Variants in CADPS observed in about 807,000 individuals in gnomAD.
CADPS encodes calcium dependent secretion activator, also known as calcium-dependent secretion activator 1.
CADPS carries 57 observed loss-of-function variants against 167.3 expected under a neutral mutation model. The ratio of observed to expected loss-of-function variants is 0.34; its 90% CI spans 0.28 to 0.42. The LOEUF is 0.42. Ranked by LOEUF, CADPS falls within the 20% of genes least tolerant of loss-of-function variation. CADPS has a pLI of 1.00. For synonymous variants in CADPS, 676 were observed against 635.3 expected (o/e 1.06, Z -0.96); for missense variants, 1,414 against 1,738.1 (o/e 0.81, Z 3.32).
intron 18 of CADPS, among the ~76,000 whole-genome samples, chr3:62,497,307 A>G (rs1184527337): frequency 6.6e-6 from 1 of 152,222 alleles, no homozygotes; most frequent in African/African-American, 2.4e-5. Context: ...TAAAAGCACA[A>G]TTGTGACTGA....
intron 9 of CADPS, among the ~76,000 whole-genome samples, chr3:62,568,091 C>T (rs888688170): frequency 6.6e-6 from 1 of 152,158 alleles, no homozygotes; most frequent in African/African-American, 2.4e-5. Flanking sequence ...ACCAATTCTC[C>T]CTTTATGAAA....
At chr3:62,524,553 C>G (rs1447448265) in intron 13 of CADPS, among the ~76,000 whole-genome samples, 1 of 152,184 alleles carries the variant, frequency 6.6e-6, no homozygotes, top group Non-Finnish European at 1.5e-5. Flanking sequence ...AATCTCCAAA[C>G]AAGGCTTGGA....
At chr3:62,719,199 C>CT (rs1407653015) in intron 3 of CADPS, among the ~76,000 whole-genome samples, 1 of 152,184 alleles carries the variant, frequency 6.6e-6, no homozygotes, top group Non-Finnish European at 1.5e-5. Flanking sequence ...CTGGCACTGT[C>CT]TTTTATCATA....
At chr3:62,473,267 A>G (rs933060432) in intron 24 of CADPS, among the ~76,000 whole-genome samples, 25 of 152,184 alleles carry the variant, frequency 1.6e-4, no homozygotes, top group Admixed American at 1.0e-3. Context: ...TAGGGGAAAC[A>G]AGGTTGAAGA....
At chr3:62,663,723 T>A (rs1316677897) in intron 3 of CADPS, among the ~76,000 whole-genome samples, 1 of 152,156 alleles carries the variant, frequency 6.6e-6, no homozygotes, top group Non-Finnish European at 1.5e-5. Context: ...GTCATACTTT[T>A]GAAGCATCAC....
intron 4 of CADPS, among the ~76,000 whole-genome samples, chr3:62,653,320 C>T (rs896559539): frequency 2.6e-5 from 4 of 152,042 alleles, no homozygotes; most frequent in Admixed American, 2.6e-4. Flanking sequence ...CTCATTTGTT[C>T]CTGCCAGCAT....
chr3:62,624,165 T>G (rs550105109), intron 6 of CADPS, among the ~76,000 whole-genome samples: 1 of 152,304 alleles, frequency 6.6e-6, no homozygotes, highest in South Asian at 2.1e-4. Context: ...CTGAGAAACC[T>G]TGGCCAAATC....
At chr3:62,422,494 T>C (rs999404824) in intron 28 of CADPS, among the ~76,000 whole-genome samples, 1 of 152,126 alleles carries the variant, frequency 6.6e-6, no homozygotes, top group African/African-American at 2.4e-5. Flanking sequence ...TCCTTTCTCT[T>C]TCTTTTCTTT....
At chr3:62,508,187 G>A (rs1276230908) in intron 17 of CADPS, among the ~76,000 whole-genome samples, 1 of 152,154 alleles carries the variant, frequency 6.6e-6, no homozygotes, top group Non-Finnish European at 1.5e-5. Context: ...GGATAGGGCC[G>A]TTATATCTTG....
chr3:62,757,799 CTCACAA>C (rs1206300251), intron 2 of CADPS, among the ~76,000 whole-genome samples: 4 of 152,182 alleles, frequency 2.6e-5, no homozygotes, highest in Non-Finnish European at 5.9e-5. Flanking sequence ...CTGGGGAGGC[CTCACAA>C]TCATGGTGGA....
intron 10 of CADPS, among the ~76,000 whole-genome samples, chr3:62,556,280 A>T (rs1398035060): frequency 1.3e-5 from 2 of 152,206 alleles, no homozygotes; most frequent in African/African-American, 4.8e-5. Context: ...TCAGCTCTGC[A>T]TTCTGCTCTG....
chr3:62,524,024 T>C (rs552999832), intron 13 of CADPS, among the ~76,000 whole-genome samples: 2 of 152,354 alleles, frequency 1.3e-5, no homozygotes, highest in East Asian at 3.9e-4. Context: ...TAGATGTTCT[T>C]TGCAGTGCTC....
At chr3:62,772,098 C>A (rs150309954) in intron 1 of CADPS, among the ~76,000 whole-genome samples, 3,450 of 152,154 alleles carry the variant, frequency 0.023, 65 homozygotes, top group South Asian at 0.061. Flanking sequence ...ATTTATAATA[C>A]ATGTAATAAT....
At chr3:62,521,032 A>G (rs2070424053) in intron 13 of CADPS, among the ~76,000 whole-genome samples, 1 of 152,230 alleles carries the variant, frequency 6.6e-6, no homozygotes, top group Non-Finnish European at 1.5e-5. Flanking sequence ...TACTTTTTCT[A>G]GAGCAGTGGT....
At chr3:62,422,319 T>G (rs1450785224) in intron 28 of CADPS, among the ~76,000 whole-genome samples, 1 of 152,186 alleles carries the variant, frequency 6.6e-6, no homozygotes, top group Admixed American at 6.5e-5. Context: ...CAGACATATT[T>G]TGAATAAACA....
At position 62,874,377 on chromosome 3, in the gene CADPS, G is replaced by C. The variant is rs1381962192; in HGVS notation, c.441+212C>G. 6.6e-6 allele frequency among the ~76,000 whole-genome samples: 1 copy of C among 152,152 alleles called. No homozygotes were observed. Among genetic ancestry groups the C allele is most frequent in the Non-Finnish European group, 1.5e-5 (1 of 68,030 alleles). Reference sequence around the variant, plus strand: ...GGCGCTGCGCTCCGCGGCCCTCGCCGGTCCCAGTCAGCTCCAGGAGCGCTC... The same window carrying C: ...GGCGCTGCGCTCCGCGGCCCTCGCCCGTCCCAGTCAGCTCCAGGAGCGCTC... On this transcript the variant is annotated intron_variant, in intron 1 of 29. Transcript: ENST00000383710. The surrounding 1 kb of genome is among the most constrained non-coding windows in gnomAD (Gnocchi z 7.1).
chr3:62,647,765 T>C (rs2068925167), intron 5 of CADPS, among the ~76,000 whole-genome samples: 1 of 152,228 alleles, frequency 6.6e-6, no homozygotes, highest in African/African-American at 2.4e-5. Context: ...ATCCTGATTA[T>C]GCATTTTCAC....
chr3:62,523,837 G>A (rs2071351924), intron 13 of CADPS, among the ~76,000 whole-genome samples: 1 of 152,228 alleles, frequency 6.6e-6, no homozygotes, highest in Non-Finnish European at 1.5e-5. Context: ...TGCTGGTGCA[G>A]GCACCGTAAA....
At chr3:62,749,753 T>C (rs1468192492) in intron 3 of CADPS, among the ~76,000 whole-genome samples, 1 of 152,172 alleles carries the variant, frequency 6.6e-6, no homozygotes, top group African/African-American at 2.4e-5. Flanking sequence ...GGGAGGTAAA[T>C]TAAATCTCTG....
Sources: gnomAD v4.1 joint callset for allele counts (sites outside exome capture counted in the v4.1 genomes callset) on GRCh38, gnomAD v4.1.1 for gene constraint, Gnocchi (gnomAD v3.1) non-coding constraint, MANE v1.5 for transcripts, NCBI Gene and HGNC (gene_info 2026-07-23, HGNC 2026-07-21) for gene names.